TFEB: variants seen among roughly 807,000 people sequenced by gnomAD.
TFEB encodes the protein T-cell transcription factor EB.
TFEB carries 12 observed loss-of-function variants against 48.0 expected under a neutral mutation model. That is an observed-to-expected ratio of 0.25 (90% confidence interval 0.16 to 0.40). The LOEUF is 0.40. Among genes scored for constraint, TFEB ranks in the 10% least tolerant of loss-of-function variants. TFEB has a pLI of 1.00. For missense variants in TFEB, 509 were observed against 640.3 expected, an observed-to-expected ratio of 0.79 and a Z score of 2.21; for synonymous variants, 244 against 261.4, an observed-to-expected ratio of 0.93 and a Z score of 0.64.
At position 41,697,619 on chromosome 6, in the gene TFEB, A is replaced by G. The variant is rs77121915; in HGVS notation, c.-22-6384T>C. On this transcript the variant is annotated intron_variant, in intron 1 of 8. Coordinates refer to ENST00000373033, the MANE Select transcript of TFEB (RefSeq NM_001271944.2). ...ACCTCTTTGGAAAAGCAATTTGGCAATATATGTCAAAGCCTTGAAAAATAT... is the reference window on the plus strand; with the variant it reads ...ACCTCTTTGGAAAAGCAATTTGGCAGTATATGTCAAAGCCTTGAAAAATAT... 5.7e-3 allele frequency among the ~76,000 whole-genome samples: 862 copies of G among 152,026 alleles called. 9 individuals carry two copies. The highest frequency in any genetic ancestry group is 0.019 in the African/African-American group (779 of 41,404).
chr6:41,718,204 T>TTTTG (rs563610530), intron 1 of TFEB, among the ~76,000 whole-genome samples: 96 of 152,084 alleles, frequency 6.3e-4, no homozygotes, highest in African/African-American at 2.2e-3. Flanking sequence ...TGTTGTTTTA[T>TTTTG]TTTGTTTGTT....
chr6:41,691,384 T>C lies in TFEB; in HGVS notation c.-22-149A>G. ...GAGAGGGGAAGAGATTTGCCCAAGG[T>C]CACTGAGCAAGCGGGTGACAGCTGA... is the stretch of plus-strand genomic sequence containing the variant. On this transcript the variant is annotated intron_variant, in intron 1 of 8. Transcript: ENST00000373033. The surrounding 1 kb of genome is among the most constrained non-coding windows in gnomAD (Gnocchi z 5.2). 1 of 841,042 alleles carries C rather than the reference T, an allele frequency of 1.2e-6. No individual in the cohort carries two copies. Among genetic ancestry groups the C allele is most frequent in the Non-Finnish European group, 2.0e-6 (1 of 499,272 alleles). The allele number at this position is 841,042 out of a possible 1,614,324, so 52.1% of individuals were successfully genotyped here.
rs1771391240 is a variant in TFEB, at chr6:41,730,134, A to AT, written c.-23+5215dup. Among the ~76,000 whole-genome samples, 1 of 148,916 alleles carries AT rather than the reference A, an allele frequency of 6.7e-6. No homozygotes were observed. The highest frequency in any genetic ancestry group is 1.5e-5 in the Non-Finnish European group (1 of 66,674). On this transcript the variant is annotated intron_variant, in intron 1 of 8. Coordinates refer to ENST00000373033, the MANE Select transcript of TFEB (RefSeq NM_001271944.2). This position sits in a 1 kb window ranked among gnomAD's most constrained non-coding sequence, Gnocchi z 4.1. ...TGGAATCATCCCAGAAAAAAAAAAA[A>AT]TTAAATAAAGATGCCTAGGCCCCTC...
rs14063 is a variant in TFEB at position 41,684,398 on chromosome 6, G to A, written c.*201C>T. On this transcript the variant is annotated 3_prime_UTR_variant, in exon 9 of 9. Coordinates refer to ENST00000373033, the MANE Select transcript of TFEB (RefSeq NM_001271944.2). ...GGCCTCTTCCCACTGCGCCAGTCAA[G>A]AGGGCTGCCCTGGGGGTGCTTCTCC... is the stretch of plus-strand genomic sequence containing the variant. 173,323 of 533,116 alleles carry A rather than the reference G, an allele frequency of 0.33. 29,497 individuals are homozygous for A. The highest frequency in any genetic ancestry group is 0.41 in the Middle Eastern group (794 of 1,942). 33.0% of individuals were successfully genotyped at this position (533,116 alleles called of 1,614,324 possible).
At chr6:41,704,944 C>T (rs114476744) in intron 1 of TFEB, among the ~76,000 whole-genome samples, 776 of 152,276 alleles carry the variant, frequency 5.1e-3, no homozygotes, top group Non-Finnish European at 7.1e-3. Context: ...GGAAAACAAT[C>T]CAGGTCTATG....
rs1771143922 is a variant in TFEB at position 41,724,988 on chromosome 6, C to T, written c.-23+10362G>A. Among the ~76,000 whole-genome samples, 1 of 152,346 alleles carries T rather than the reference C, an allele frequency of 6.6e-6. No homozygotes were observed. Among genetic ancestry groups the T allele is most frequent in the Non-Finnish European group, 1.5e-5 (1 of 68,026 alleles). On this transcript the variant is annotated intron_variant, in intron 1 of 8. Coordinates refer to ENST00000373033, the MANE Select transcript of TFEB (RefSeq NM_001271944.2). This position sits in a 1 kb window ranked among gnomAD's most constrained non-coding sequence, Gnocchi z 4.4. ...GCCACAAGGCCCCTTTGCAGGGACGCCTCCCCCAAAATGCCTGCACATTCA... is the reference window on the plus strand; with the variant it reads ...GCCACAAGGCCCCTTTGCAGGGACGTCTCCCCCAAAATGCCTGCACATTCA...
At chr6:41,729,909 C>T (rs1314603992) in intron 1 of TFEB, among the ~76,000 whole-genome samples, 3 of 152,202 alleles carry the variant, frequency 2.0e-5, no homozygotes, top group African/African-American at 7.2e-5. Flanking sequence ...CGGCAGGACC[C>T]GAAGGCAGTG....
intron 1 of TFEB, among the ~76,000 whole-genome samples, chr6:41,714,361 CTG>C (rs1245962324): frequency 2.6e-5 from 4 of 152,188 alleles, no homozygotes; most frequent in African/African-American, 7.2e-5. Flanking sequence ...GATGAACAAA[CTG>C]TAACTCACAT....
intron 3 of TFEB, among the ~76,000 whole-genome samples, chr6:41,690,121 C>T (rs1434434364): frequency 2.0e-5 from 3 of 149,388 alleles, no homozygotes; most frequent in African/African-American, 2.5e-5. Context: ...GCAGAGCTTT[C>T]TTTTTTCTTT....
rs922913053 is a variant in TFEB, at chr6:41,686,878, G to C, written c.803+216C>G. The C allele has an allele frequency of 1.5e-5, 9 of 586,830 alleles. No homozygotes were observed. The African/African-American group carries it at 1.7e-4, about 11-fold the overall frequency. 36.4% of individuals were successfully genotyped at this position (586,830 alleles called of 1,614,324 possible). A position where few individuals can be genotyped will look rare whatever the true frequency, so the allele number is the denominator to read the frequency against. ...ACTGCTCCTCCAAGAAGCCTCCCTT[G>C]ACCTCAGCCTCACTTCCAGGACAGA... On this transcript the variant is annotated intron_variant, in intron 7 of 8. Coordinates refer to ENST00000373033, the MANE Select transcript of TFEB (RefSeq NM_001271944.2).
At chr6:41,712,101 T>C (rs1276245323) in intron 1 of TFEB, among the ~76,000 whole-genome samples, 1 of 152,130 alleles carries the variant, frequency 6.6e-6, no homozygotes, top group Non-Finnish European at 1.5e-5. Context: ...GGATGTACAG[T>C]GCAGGTAGAG....
chr6:41,716,564 A>G (rs531134700), intron 1 of TFEB, among the ~76,000 whole-genome samples: 2 of 152,204 alleles, frequency 1.3e-5, no homozygotes, highest in South Asian at 4.1e-4. Flanking sequence ...CACCTACTGC[A>G]TGCCAAGCTT....
chr6:41,725,788 G>A (rs1771180168), intron 1 of TFEB, among the ~76,000 whole-genome samples: 1 of 152,166 alleles, frequency 6.6e-6, no homozygotes, highest in South Asian at 2.1e-4. Flanking sequence ...GAATGAAAAT[G>A]CAATACACCA....
Position 41,708,789 on chromosome 6 carries a change from C to G in TFEB, c.-22-17554G>C, listed in dbSNP as rs565521988. On this transcript the variant is annotated intron_variant, in intron 1 of 8. Coordinates refer to ENST00000373033, the MANE Select transcript of TFEB (RefSeq NM_001271944.2). ...AATAAAAGGGTCAGAGTAATGCAAG[C>G]TAGCCCACCCTACAGGGAAGGAGAG... Among the ~76,000 whole-genome samples, 29 of 152,338 alleles carry G rather than the reference C, an allele frequency of 1.9e-4. No homozygotes were observed. In the South Asian group the frequency reaches 5.8e-3, roughly 30 times the overall value.
rs1213879338 is a variant in TFEB at position 41,691,378 on chromosome 6, C to T, written c.-22-143G>A. On this transcript the variant is annotated intron_variant, in intron 1 of 8. Coordinates refer to ENST00000373033, the MANE Select transcript of TFEB (RefSeq NM_001271944.2). The surrounding 1 kb of genome is among the most constrained non-coding windows in gnomAD (Gnocchi z 5.2). ...AGCCCTGAGAGGGGAAGAGATTTGC[C>T]CAAGGTCACTGAGCAAGCGGGTGAC... The T allele has an allele frequency of 1.1e-6, 1 of 885,456 alleles. No homozygotes were observed. The highest frequency in any genetic ancestry group is 2.0e-5 in the Admixed American group (1 of 50,166). 54.8% of individuals were successfully genotyped at this position (885,456 alleles called of 1,614,324 possible).
At position 41,686,252 on chromosome 6, in the gene TFEB, C is replaced by G. The variant is rs1228243987; in HGVS notation, c.804-15G>C. 1.9e-6 allele frequency: 3 copies of G among 1,613,424 alleles called. No homozygotes were observed. The highest frequency in any genetic ancestry group is 2.5e-6 in the Non-Finnish European group (3 of 1,179,446). ...AGCGCACGTCCCTGCAGCAGCAGGC[C>G]AGGCAAATTAGAGGTGCATGCTCAG... On this transcript the variant is annotated splice_polypyrimidine_tract_variant and intron_variant, in intron 7 of 8. Transcript: ENST00000373033.
Position 41,723,902 on chromosome 6 carries a change from G to T in TFEB, c.-23+11448C>A. On this transcript the variant is annotated intron_variant, in intron 1 of 8. Transcript: ENST00000373033. The surrounding 1 kb of genome is among the most constrained non-coding windows in gnomAD (Gnocchi z 6.0). ...AGAGTCCCAATCCCACCAGGTCCAG[G>T]GTGGGCCTAACCCTAACCCCAGCCC... The T allele has an allele frequency of 2.0e-6, 1 of 511,688 alleles. No individual in the cohort carries two copies. 31.7% of individuals were successfully genotyped at this position (511,688 alleles called of 1,614,324 possible).
chr6:41,687,574 A>G, intron 6 of TFEB, 179 bp downstream of exon 6: 1 of 751,156 alleles, frequency 1.3e-6, no homozygotes, highest in Non-Finnish European at 2.3e-6. Context: ...GTGGAAAGAC[A>G]GCACTAATAG....
At chr6:41,698,805 A>T (rs1769745855) in intron 1 of TFEB, among the ~76,000 whole-genome samples, 1 of 152,190 alleles carries the variant, frequency 6.6e-6, no homozygotes, top group South Asian at 2.1e-4. Flanking sequence ...GAAGAGAGAA[A>T]AAAATACCAA....
Sources: allele counts gnomAD v4.1 joint callset (sites outside exome capture counted in the v4.1 genomes callset), GRCh38; gene constraint gnomAD v4.1.1; non-coding constraint Gnocchi (gnomAD v3.1); transcripts MANE v1.5; gene names NCBI Gene and HGNC (gene_info 2026-07-23, HGNC 2026-07-21).